Variants in NIPBL observed in about 807,000 individuals in gnomAD.
The protein encoded by NIPBL is nipped-B-like protein.
A neutral mutation model predicts 321.8 loss-of-function variants in NIPBL; 19 were observed. That is an observed-to-expected ratio of 0.06 (90% CI 0.04 to 0.09). The LOEUF is 0.09. Among genes scored for constraint, NIPBL ranks in the 10% least tolerant of loss-of-function variants. The pLI is 1.00. For missense variants in NIPBL, 2,210 were observed against 3,327.0 expected (o/e 0.66, Z 8.26); for synonymous variants, 1,106 against 1,114.1 (o/e 0.99, Z 0.14).
At chr5:37,025,229 G>A (rs1489805974) in intron 30 of NIPBL, among the ~76,000 whole-genome samples, 1 of 152,132 alleles carries the variant, frequency 6.6e-6, no homozygotes, top group Non-Finnish European at 1.5e-5. Flanking sequence ...CTCCTGCCTG[G>A]GCAAGGGTGA....
intron 1 of NIPBL, among the ~76,000 whole-genome samples, chr5:36,943,934 G>A (rs530264778): frequency 6.6e-6 from 1 of 152,212 alleles, no homozygotes; most frequent in African/African-American, 2.4e-5. Flanking sequence ...CAATTTTAAT[G>A]TAATTGCTAA....
At chr5:36,891,004 G>A (rs534334917) in intron 1 of NIPBL, among the ~76,000 whole-genome samples, 320 of 152,274 alleles carry the variant, frequency 2.1e-3, no homozygotes, top group African/African-American at 7.3e-3. Flanking sequence ...GGTGGCTCAC[G>A]CTTGTAATCC....
At chr5:37,026,104 A>T (rs1750234390) in intron 30 of NIPBL, 125 bp from the exon 31 acceptor site, 4 of 630,548 alleles carry the variant, frequency 6.3e-6, no homozygotes, top group Non-Finnish European at 1.2e-5. Context: ...TAATACCAGA[A>T]ATTCCTGGCA....
rs1484983989 is a variant in NIPBL, at chr5:37,045,386, T to A, written c.6344-57T>A. ...ATTGTAATTCATTAGTAGTAATTAC[T>A]TGAACTTAGTAATTCAAAGATAAAT... On this transcript the variant is annotated intron_variant, in intron 36 of 46. Transcript: ENST00000282516. 4.4e-6 allele frequency: 6 copies of A among 1,356,788 alleles called. No individual in the cohort carries two copies. In the Admixed American group the frequency reaches 1.1e-4, roughly 26 times the overall value. The allele number at this position is 1,356,788 out of a possible 1,614,324, so 84.0% of individuals were successfully genotyped here.
intron 1 of NIPBL, among the ~76,000 whole-genome samples, chr5:36,942,363 C>T (rs1580288737): frequency 7.6e-6 from 1 of 132,204 alleles, no homozygotes; most frequent in African/African-American, 2.9e-5. Context: ...ACCCAGGAGT[C>T]GGAGGTTGCA....
intron 5 of NIPBL, 151 bp from the exon 6 acceptor site, chr5:36,961,972 T>C: frequency 3.4e-6 from 3 of 885,816 alleles, no homozygotes; most frequent in Non-Finnish European, 5.2e-6. Context: ...AATTTTTGTA[T>C]GTTATTTGAC....
At chr5:37,059,792 A>G (rs1754472595) in intron 44 of NIPBL, among the ~76,000 whole-genome samples, 1 of 152,230 alleles carries the variant, frequency 6.6e-6, no homozygotes. Flanking sequence ...GAAGTAACAG[A>G]TGTAAACCAA....
intron 1 of NIPBL, among the ~76,000 whole-genome samples, chr5:36,953,072 T>C (rs1335954379): frequency 6.6e-6 from 1 of 152,098 alleles, no homozygotes; most frequent in African/African-American, 2.4e-5. Context: ...CTTAAGGAAA[T>C]GTATAAAGAT....
intron 32 of NIPBL, among the ~76,000 whole-genome samples, chr5:37,032,108 AT>A (rs1383506014): frequency 6.6e-6 from 1 of 152,198 alleles, no homozygotes; most frequent in Non-Finnish European, 1.5e-5. Flanking sequence ...GGTAGAGCCC[AT>A]CATTCTGTAT....
Position 37,045,482 on chromosome 5 carries a change from C to G in NIPBL, c.6383C>G (p.Pro2128Arg). The change falls in exon 37 of 47, where the codon CCA (proline) becomes CGA (arginine). Residue 2128 changes from proline to arginine, a missense_variant. This residue lies in a region of NIPBL where 73 missense variants were observed against 222.3 expected (regional missense o/e 0.33). Transcript: ENST00000282516. ...SKLKSQHQED[P>R]NNTSLLTNKP... is the part of the protein sequence containing the mutation. ...TTAAAAAGTCAACACCAAGAGGACC[C>G]AAATAACACTTCACTTCTAACAAAC... The G allele has an allele frequency of 6.2e-7, 1 of 1,613,770 alleles. No homozygotes were observed. The highest frequency in any genetic ancestry group is 8.5e-7 in the Non-Finnish European group (1 of 1,179,792).
intron 1 of NIPBL, among the ~76,000 whole-genome samples, chr5:36,947,534 C>G (rs1263461972): frequency 6.6e-6 from 1 of 152,004 alleles, no homozygotes; most frequent in Non-Finnish European, 1.5e-5. Context: ...GCCATATGCT[C>G]TGTCTAAAGT....
In NIPBL at chr5:36,964,695, A is replaced by G. The variant is rs142560263; in HGVS notation, c.610+2421A>G. Among the ~76,000 whole-genome samples, 265 of 152,292 alleles carry G rather than the reference A, an allele frequency of 1.7e-3. 6 individuals carry two copies. Among genetic ancestry groups the G allele is most frequent in the African/African-American group, 5.8e-3 (243 of 41,568 alleles). On this transcript the variant is annotated intron_variant, in intron 6 of 46. Transcript: ENST00000282516. ...TAGACAAATGGGATTACGTCAAGCT[A>G]AAAAGCTTCTGTACAGCAAAAGAAA... is the stretch of plus-strand genomic sequence containing the variant.
At position 36,984,939 on chromosome 5, in the gene NIPBL, G is replaced by A; in HGVS notation, c.1759G>A (p.Gly587Arg). 6.2e-7 allele frequency: 1 copy of A among 1,613,352 alleles called. No homozygotes were observed. The part of the protein sequence containing the change: ...PVSVLQEDIV[G>R]SLKSTPENHP... ...TTCTGTTCTTCAGGAAGATATTGTT[G>A]GAAGTCTTAAATCTACACCAGAAAA... The change falls in exon 10 of 47, where the codon GGA becomes AGA. Residue 587 changes from glycine (G) to arginine (R), a missense_variant. Gly to Arg is a moderately radical substitution (Grantham distance 125). Coordinates refer to ENST00000282516, the MANE Select transcript of NIPBL (RefSeq NM_133433.4).
In NIPBL at chr5:37,020,792, T is replaced by A; in HGVS notation, c.5243T>A (p.Val1748Glu). 6.2e-7 allele frequency: 1 copy of A among 1,614,036 alleles called. No individual in the cohort carries two copies. Among genetic ancestry groups the A allele is most frequent in the Non-Finnish European group, 8.5e-7 (1 of 1,179,900 alleles). The change falls in exon 27 of 47, where the codon GTG becomes GAG. Residue 1748 changes from valine (V) to glutamate (E), a missense_variant. By Grantham distance (121) the Val-to-Glu change is moderately radical (BLOSUM62 -2). Transcript: ENST00000282516. ...FSTLKMNSDT[V>E]DYDDACLIVR... ...TGTTGCAGGATGAACTCTGATACTGTGGACTATGATGATGCTTGCTTGATT... is the reference window on the plus strand; with the variant it reads ...TGTTGCAGGATGAACTCTGATACTGAGGACTATGATGATGCTTGCTTGATT...
chr5:36,959,721 TG>T (rs1741389400), intron 4 of NIPBL, among the ~76,000 whole-genome samples: 1 of 152,222 alleles, frequency 6.6e-6, no homozygotes, highest in South Asian at 2.1e-4. Flanking sequence ...TTTGAGTATT[TG>T]GGTAGTAAAT....
intron 1 of NIPBL, among the ~76,000 whole-genome samples, chr5:36,896,944 TA>T: frequency 6.6e-6 from 1 of 152,094 alleles, no homozygotes; most frequent in African/African-American, 2.4e-5. Flanking sequence ...TTTCTTTTGT[TA>T]AATTTGTTCC....
chr5:37,011,429 C>T (rs1580464068), intron 21 of NIPBL, among the ~76,000 whole-genome samples: 2 of 152,114 alleles, frequency 1.3e-5, no homozygotes, highest in South Asian at 2.1e-4. Context: ...TTGTTGTGCA[C>T]CTGTCATCCC....
rs1315608732 is a variant in NIPBL, at chr5:37,038,839, CTG to C, written c.6108+105_6108+106del. On this transcript the variant is annotated intron_variant, in intron 34 of 46. Transcript: ENST00000282516. ...AACCACATTCTCACTGACAGATCAA[CTG>C]TGTCATTTACTTAGATATATGTACT... 15 of 1,175,848 alleles carry C rather than the reference CTG, an allele frequency of 1.3e-5. No individual in the cohort carries two copies. The East Asian group carries it at 3.8e-4, about 30-fold the overall frequency. The allele number at this position is 1,175,848 out of a possible 1,614,324, so 72.8% of individuals were successfully genotyped here.
intron 40 of NIPBL, 110 bp downstream of exon 40, chr5:37,049,411 T>C: frequency 8.4e-7 from 1 of 1,184,444 alleles, no homozygotes; most frequent in Non-Finnish European, 1.3e-6. Context: ...TACTCTTCTT[T>C]GTACTAAACT....
Sources: allele counts gnomAD v4.1 joint callset (sites outside exome capture counted in the v4.1 genomes callset), GRCh38; gene constraint gnomAD v4.1.1; regional missense constraint gnomAD v4.1.1; transcripts MANE v1.5; gene names NCBI Gene and HGNC (gene_info 2026-07-23, HGNC 2026-07-21).